Variants in SIPA1L3 observed in about 807,000 individuals in gnomAD.
SIPA1L3 encodes the protein signal-induced proliferation-associated 1-like protein 3.
A neutral mutation model predicts 150.1 loss-of-function variants in SIPA1L3; 59 were observed. The observed-to-expected ratio is 0.39, with a 90% confidence interval of 0.32 to 0.49. The LOEUF is 0.49. Ranked by LOEUF, SIPA1L3 falls within the 20% of genes least tolerant of loss-of-function variation. SIPA1L3 has a pLI of 0.86. For synonymous variants in SIPA1L3, 1,070 were observed against 1,077.6 expected (o/e 0.99, Z 0.14); for missense variants, 2,211 against 2,489.5 (o/e 0.89, Z 2.38).
chr19:38,100,665 A>T (rs59288066), intron 5 of SIPA1L3, among the ~76,000 whole-genome samples: 10,244 of 152,270 alleles, frequency 0.067, 1,163 homozygotes, highest in African/African-American at 0.23. Context: ...CCACTCCCTA[A>T]AAAAGGTATT....
At chr19:37,913,618 AC>A (rs1161680241) in intron 1 of SIPA1L3, among the ~76,000 whole-genome samples, 1 of 147,302 alleles carries the variant, frequency 6.8e-6, no homozygotes, top group Non-Finnish European at 1.5e-5. Flanking sequence ...CTGGTCTTGA[AC>A]TCCTGACCTC....
At chr19:37,919,574 C>T (rs2046440538) in intron 1 of SIPA1L3, among the ~76,000 whole-genome samples, 1 of 152,164 alleles carries the variant, frequency 6.6e-6, no homozygotes. Context: ...TTTCGATGAA[C>T]AGACAGACGA....
At chr19:37,972,505 C>A (rs182299940) in intron 1 of SIPA1L3, among the ~76,000 whole-genome samples, 10 of 152,126 alleles carry the variant, frequency 6.6e-5, no homozygotes, top group African/African-American at 2.2e-4. Context: ...GAATTTGAGA[C>A]CAGCTTGGGC....
rs1555767565 is a variant in SIPA1L3, at chr19:37,941,108, A to ACACC, written c.-379+33753_-379+33754insCCAC. Among the ~76,000 whole-genome samples, 1,414 of 150,534 alleles carry ACACC rather than the reference A, an allele frequency of 9.4e-3. 26 individuals are homozygous for ACACC. The highest frequency in any genetic ancestry group is 0.033 in the African/African-American group (1,346 of 40,800). ...CACATACACACACACACACACACAC[A>ACACC]CACACACACACACACTGTTTCTTTT... On this transcript the variant is annotated intron_variant, in intron 1 of 21. Coordinates refer to ENST00000222345, the MANE Select transcript of SIPA1L3 (RefSeq NM_015073.3).
intron 1 of SIPA1L3, among the ~76,000 whole-genome samples, chr19:37,920,550 A>G (rs755117266): frequency 1.3e-5 from 2 of 152,114 alleles, no homozygotes; most frequent in Non-Finnish European, 2.9e-5. Flanking sequence ...GGCTTATTAT[A>G]CTCTTTTTTT....
intron 1 of SIPA1L3, among the ~76,000 whole-genome samples, chr19:37,927,654 G>GGGGT (rs1214858053): frequency 7.3e-6 from 1 of 136,738 alleles, no homozygotes. Context: ...AAGAACATGG[G>GGGGT]GTGTGTGTGT....
chr19:38,033,992 A>G (rs1360302089), intron 2 of SIPA1L3, among the ~76,000 whole-genome samples: 1 of 152,196 alleles, frequency 6.6e-6, no homozygotes, highest in Non-Finnish European at 1.5e-5. Context: ...TTTCTCGCTC[A>G]CAACAGCACA....
chr19:38,002,822 T>C (rs1568497125), intron 1 of SIPA1L3, among the ~76,000 whole-genome samples: 1 of 151,746 alleles, frequency 6.6e-6, no homozygotes, highest in Non-Finnish European at 1.5e-5. Context: ...CTTCTACCTT[T>C]TGGCTATAGT....
intron 1 of SIPA1L3, among the ~76,000 whole-genome samples, chr19:37,971,286 G>T (rs923044694): frequency 6.6e-6 from 1 of 151,860 alleles, no homozygotes; most frequent in African/African-American, 2.4e-5. Context: ...TGGCATATTT[G>T]CCCTTTTAAA....
intron 6 of SIPA1L3, among the ~76,000 whole-genome samples, chr19:38,104,065 CGTCAGCTGG>C (rs2145865319): frequency 6.6e-6 from 1 of 152,136 alleles, no homozygotes; most frequent in South Asian, 2.1e-4. Flanking sequence ...AGTGGGTTTT[CGTCAGCTGG>C]GAGTGAGAAG....
At chr19:38,008,217 CTTTTT>C (rs35422339) in intron 1 of SIPA1L3, among the ~76,000 whole-genome samples, 1 of 50,094 alleles carries the variant, frequency 2.0e-5, no homozygotes, top group Non-Finnish European at 3.6e-5. Context: ...CCATAGGCTG[CTTTTT>C]TTTTTTTTTT....
At chr19:38,097,286 C>T (rs888642189) in intron 4 of SIPA1L3, among the ~76,000 whole-genome samples, 2 of 151,992 alleles carry the variant, frequency 1.3e-5, no homozygotes, top group Admixed American at 1.3e-4. Flanking sequence ...GAGGTCGAGG[C>T]TGCAGTGAAC....
In SIPA1L3 at chr19:38,182,757, C is replaced by T. The variant is rs1235058603; in HGVS notation, c.4430+17C>T. ...CCCAAAGAAGTAAGTGCCTGGACGTCCAGCGAGGCGCCCGCCAGATCCACA... is the reference window on the plus strand; with the variant it reads ...CCCAAAGAAGTAAGTGCCTGGACGTTCAGCGAGGCGCCCGCCAGATCCACA... On this transcript the variant is annotated intron_variant, in intron 16 of 21. Coordinates refer to ENST00000222345, the MANE Select transcript of SIPA1L3 (RefSeq NM_015073.3). 6.3e-7 allele frequency: 1 copy of T among 1,578,334 alleles called. No individual in the cohort carries two copies. The highest frequency in any genetic ancestry group is 8.6e-7 in the Non-Finnish European group (1 of 1,159,444).
intron 21 of SIPA1L3, among the ~76,000 whole-genome samples, chr19:38,204,493 G>A (rs766266536): frequency 2.0e-5 from 3 of 152,200 alleles, no homozygotes; most frequent in Non-Finnish European, 4.4e-5. Context: ...GGCTGGGCGC[G>A]GTGGCTCATA....
rs112754603 is a variant in SIPA1L3 at position 37,972,372 on chromosome 19, A to G, written c.-378-56717A>G. On this transcript the variant is annotated intron_variant, in intron 1 of 21. Coordinates refer to ENST00000222345, the MANE Select transcript of SIPA1L3 (RefSeq NM_015073.3). ...GGCAGATCTAACTACCATAATTCCA[A>G]AGTAACAAAGGGCATAAGTGCTATT... is the stretch of plus-strand genomic sequence containing the variant. Among the ~76,000 whole-genome samples the G allele has an allele frequency of 4.6e-3, 700 of 152,290 alleles. 6 individuals carry two copies. Among genetic ancestry groups the G allele is most frequent in the African/African-American group, 0.016 (677 of 41,546 alleles).
At chr19:38,027,671 G>C (rs1259253177) in intron 1 of SIPA1L3, among the ~76,000 whole-genome samples, 1 of 151,634 alleles carries the variant, frequency 6.6e-6, no homozygotes, top group Non-Finnish European at 1.5e-5. Flanking sequence ...TCACATCCTG[G>C]CTGTATATAG....
intron 1 of SIPA1L3, among the ~76,000 whole-genome samples, chr19:37,937,617 T>C (rs936590276): frequency 6.7e-6 from 1 of 149,838 alleles, no homozygotes; most frequent in Admixed American, 6.7e-5. Flanking sequence ...TGGCATGCAC[T>C]TGTGGTCCCA....
chr19:38,144,524 C>A (rs764284891), intron 12 of SIPA1L3, among the ~76,000 whole-genome samples: 1 of 152,246 alleles, frequency 6.6e-6, no homozygotes, highest in Non-Finnish European at 1.5e-5. Context: ...CCCCAAATTT[C>A]TGACCTGGTA....
intron 16 of SIPA1L3, chr19:38,182,982 G>T: frequency 4.2e-6 from 2 of 477,388 alleles, no homozygotes; most frequent in Non-Finnish European, 3.7e-6. Flanking sequence ...GTCAATGGTG[G>T]TTATCCTTGT....
Sources: allele counts gnomAD v4.1 joint callset (sites outside exome capture counted in the v4.1 genomes callset), GRCh38; gene constraint gnomAD v4.1.1; transcripts MANE v1.5; gene names NCBI Gene and HGNC (gene_info 2026-07-23, HGNC 2026-07-21).